CHD9: variants seen among roughly 807,000 people sequenced by gnomAD.
The protein encoded by CHD9 is ATP-dependent chromatin remodeler CHD9.
In CHD9, 77 loss-of-function variants were observed where a neutral mutation model predicts 316.1. That is an observed-to-expected ratio of 0.24 (90% CI 0.20 to 0.29). The LOEUF (loss-of-function observed/expected upper bound fraction) is 0.29. Ranked by LOEUF, CHD9 falls within the 10% of genes least tolerant of loss-of-function variation. CHD9 has a pLI of 1.00. For synonymous variants in CHD9, 1,129 were observed against 1,158.3 expected (o/e 0.97, Z 0.51); for missense variants, 2,763 against 3,438.1 (o/e 0.80, Z 4.91).
At chr16:53,315,128 C>T (rs2153102901) in intron 36 of CHD9, 84 bp downstream of exon 36, 1 of 972,164 alleles carries the variant, frequency 1.0e-6, no homozygotes, top group Non-Finnish European at 1.5e-6. Context: ...TTCTCATCCA[C>T]TTATGCTAAA....
intron 1 of CHD9, among the ~76,000 whole-genome samples, chr16:53,118,187 C>T (rs1056272590): frequency 3.3e-5 from 5 of 151,998 alleles, no homozygotes; most frequent in African/African-American, 7.2e-5. Context: ...GAGGCGGAGG[C>T]GGGTGGATTA....
At chr16:53,161,067 A>G (rs2041874025) in intron 2 of CHD9, among the ~76,000 whole-genome samples, 1 of 152,170 alleles carries the variant, frequency 6.6e-6, no homozygotes, top group Non-Finnish European at 1.5e-5. Flanking sequence ...AGCCTGGGTA[A>G]TAGTGAGACC....
intron 13 of CHD9, 28 bp downstream of exon 13, chr16:53,243,044 C>T: frequency 6.7e-7 from 1 of 1,502,444 alleles, no homozygotes; most frequent in Non-Finnish European, 9.2e-7. Flanking sequence ...ATCATTATGA[C>T]AATTGAGTTT....
intron 2 of CHD9, among the ~76,000 whole-genome samples, chr16:53,166,270 T>A (rs2042262754): frequency 6.6e-6 from 1 of 152,188 alleles, no homozygotes. Context: ...CAGACATTCC[T>A]GTTGTTAACA....
At chr16:53,307,087 CTTCCA>C (rs1430937644) in intron 32 of CHD9, among the ~76,000 whole-genome samples, 1 of 151,800 alleles carries the variant, frequency 6.6e-6, no homozygotes, top group African/African-American at 2.4e-5. Context: ...ACCAATTTTT[CTTCCA>C]TTATGTGACT....
intron 1 of CHD9, among the ~76,000 whole-genome samples, chr16:53,096,325 A>C (rs2036376580): frequency 6.6e-6 from 1 of 152,124 alleles, no homozygotes; most frequent in Non-Finnish European, 1.5e-5. Context: ...ACCCAACACA[A>C]TGCCGGGTAC....
At chr16:53,246,770 T>C (rs2049665577) in intron 15 of CHD9, among the ~76,000 whole-genome samples, 1 of 152,094 alleles carries the variant, frequency 6.6e-6, no homozygotes, top group Non-Finnish European at 1.5e-5. Context: ...GAAATCCTTC[T>C]GCCTTGGCCT....
chr16:53,086,631 T>C (rs2035484525), intron 1 of CHD9, among the ~76,000 whole-genome samples: 1 of 152,330 alleles, frequency 6.6e-6, no homozygotes, highest in African/African-American at 2.4e-5. Context: ...ATTTGTGAGG[T>C]GCATATAAGA....
At chr16:53,232,952 G>T (rs2048308099) in intron 10 of CHD9, among the ~76,000 whole-genome samples, 1 of 152,218 alleles carries the variant, frequency 6.6e-6, no homozygotes, top group African/African-American at 2.4e-5. Context: ...TCTGCTCTCA[G>T]GGTAACACAA....
At chr16:53,213,412 A>C (rs1245848262) in intron 3 of CHD9, among the ~76,000 whole-genome samples, 3 of 152,224 alleles carry the variant, frequency 2.0e-5, no homozygotes, top group Non-Finnish European at 4.4e-5. Flanking sequence ...CTTCAGTAAT[A>C]GTAGGTACAT....
At chr16:53,243,097 T>G in intron 13 of CHD9, 81 bp downstream of exon 13, 2 of 1,057,048 alleles carry the variant, frequency 1.9e-6, no homozygotes, top group Admixed American at 5.3e-5. Flanking sequence ...TGCTAAAAAT[T>G]TTTCTTTTTA....
rs757513307 is a variant in CHD9, at chr16:53,270,161, A to ATT, written c.4717+2057_4717+2058dup. Among the ~76,000 whole-genome samples the ATT allele has an allele frequency of 7.4e-3, 876 of 118,562 alleles. 7 individuals are homozygous for ATT. Among genetic ancestry groups the ATT allele is most frequent in the Middle Eastern group, 0.016 (4 of 248 alleles). 77.8% of individuals were successfully genotyped at this position (118,562 alleles called of 152,430 possible). On this transcript the variant is annotated intron_variant, in intron 22 of 38. Coordinates refer to ENST00000447540, the MANE Select transcript of CHD9 (RefSeq NM_001308319.2). ...AGGCGTGTACCATCACACCTGGCTA[A>ATT]TTTTTTTTTTTTTTTTTTTTTTTAG...
intron 33 of CHD9, among the ~76,000 whole-genome samples, chr16:53,308,412 TA>T (rs140470368): frequency 0.033 from 5,081 of 152,264 alleles, 300 homozygotes; most frequent in African/African-American, 0.12. Flanking sequence ...TGTCTAAAGT[TA>T]AAAATGTTAC....
intron 34 of CHD9, chr16:53,311,028 AT>A (rs1471881027): frequency 8.5e-5 from 13 of 152,064 alleles, no homozygotes; most frequent in African/African-American, 2.7e-4. Context: ...TCTGAAAAAA[AT>A]TTAAAAATTA....
intron 1 of CHD9, among the ~76,000 whole-genome samples, chr16:53,128,224 C>T (rs1273274768): frequency 6.6e-6 from 1 of 151,864 alleles, no homozygotes; most frequent in African/African-American, 2.4e-5. Flanking sequence ...GTTCTGTCAT[C>T]CAGGATGGAG....
In CHD9 at chr16:53,231,627, A is replaced by T. The variant is rs2048182738; in HGVS notation, c.2374-20A>T. The T allele has an allele frequency of 6.5e-7, 1 of 1,536,676 alleles. No individual in the cohort carries two copies. Among genetic ancestry groups the T allele is most frequent in the Non-Finnish European group, 8.8e-7 (1 of 1,133,062 alleles). ...ACTAGTGTCTTTTTCAAAATGGTAA[A>T]TGAAAAAATTTTTTTACAGCCTGTT... On this transcript the variant is annotated intron_variant, in intron 9 of 38. Coordinates refer to ENST00000447540, the MANE Select transcript of CHD9 (RefSeq NM_001308319.2).
At chr16:53,131,125 C>T (rs1292738088) in intron 1 of CHD9, 2 of 73,170 alleles carry the variant, frequency 2.7e-5, no homozygotes, top group African/African-American at 5.3e-5. Flanking sequence ...CCGGGGGCAC[C>T]GCGGGGCAGC....
intron 1 of CHD9, among the ~76,000 whole-genome samples, chr16:53,095,437 T>C (rs2036298329): frequency 6.6e-6 from 1 of 151,592 alleles, no homozygotes; most frequent in Non-Finnish European, 1.5e-5. Flanking sequence ...TAGTCCCAGC[T>C]ACTTGGGAGG....
intron 37 of CHD9, among the ~76,000 whole-genome samples, chr16:53,319,474 T>A (rs78561010): frequency 6.6e-6 from 1 of 152,206 alleles, no homozygotes; most frequent in Non-Finnish European, 1.5e-5. Flanking sequence ...TTTGTAGAGA[T>A]AGCTTTTTCA....
Sources: gnomAD v4.1 joint callset for allele counts (sites outside exome capture counted in the v4.1 genomes callset) on GRCh38, gnomAD v4.1.1 for gene constraint, MANE v1.5 for transcripts, NCBI Gene and HGNC (gene_info 2026-07-23, HGNC 2026-07-21) for gene names.